PHTF1: variants seen among roughly 807,000 people sequenced by gnomAD.
PHTF1 encodes the protein putative homeodomain transcription factor 1, also known as protein PHTF1.
Under a neutral mutation model 102.4 loss-of-function variants are expected in PHTF1, and 88 were observed. That is an observed-to-expected ratio of 0.86 (90% CI 0.72 to 1.03). The LOEUF (loss-of-function observed/expected upper bound fraction) is 1.03, where lower values mean the gene tolerates loss of function less well. Ranked by LOEUF, PHTF1 falls within the 50% of genes least tolerant of loss-of-function variation. PHTF1 has a pLI of 0.00. For synonymous variants in PHTF1, 289 were observed against 305.2 expected, an observed-to-expected ratio of 0.95 and a Z score of 0.55; for missense variants, 814 against 909.5, an observed-to-expected ratio of 0.89 and a Z score of 1.35.
intron 8 of PHTF1, among the ~76,000 whole-genome samples, chr1:113,712,492 A>G (rs1651281099): frequency 1.3e-5 from 2 of 152,224 alleles, no homozygotes; most frequent in Non-Finnish European, 2.9e-5. Context: ...TTGAAAATAA[A>G]TGAGATAAGT....
At chr1:113,706,851 CTTTTTTT>C (rs11363653) in intron 11 of PHTF1, 129 bp from the exon 12 acceptor site, 202 of 217,448 alleles carry the variant, frequency 9.3e-4, no homozygotes, top group Middle Eastern at 1.6e-3. Context: ...TTCTTTCTTT[CTTTTTTT>C]TTTTTTTTTT....
chr1:113,700,267 C>T (rs371469128), intron 16 of PHTF1: 55 of 602,470 alleles, frequency 9.1e-5, no homozygotes, highest in African/African-American at 3.8e-4. Flanking sequence ...AAAACAGAAA[C>T]GAATGATAAA....
intron 7 of PHTF1, among the ~76,000 whole-genome samples, chr1:113,722,007 ATT>A (rs531406916): frequency 4.5e-4 from 68 of 152,048 alleles, no homozygotes; most frequent in Non-Finnish European, 8.7e-4. Context: ...AATCAATAGC[ATT>A]TCTATATGCC....
chr1:113,701,555 G>T (rs1230649), intron 15 of PHTF1, among the ~76,000 whole-genome samples: 116,925 of 151,790 alleles, frequency 0.77, 46,028 homozygotes, highest in African/African-American at 0.91. Context: ...ACAGAAACCT[G>T]GTGAAAAACA....
chr1:113,757,744 G>T lies in PHTF1; in HGVS notation c.57C>A (p.Tyr19Ter). ...TTGACTTTTCCCATATCTGCTGATC[G>T]TAGGCTCCAATCTGAAAGAGGGAGT... ...ISWYQKKIGAYDQQIWEKSIE... is the reference protein window; with the variant it reads ...ISWYQKKIGA The change falls in exon 3 of 19, where the codon TAC becomes TAA. Residue 19 changes from tyrosine to a stop codon, truncating the protein, a stop_gained. Transcript: ENST00000369604. LOFTEE classifies it high-confidence loss of function. 6.2e-7 allele frequency: 1 copy of T among 1,602,452 alleles called. No homozygotes were observed. The highest frequency in any genetic ancestry group is 8.6e-7 in the Non-Finnish European group (1 of 1,169,424).
At chr1:113,697,759 C>T (rs780046227) in intron 18 of PHTF1, 34 bp from the exon 19 acceptor site, 53 of 1,542,852 alleles carry the variant, frequency 3.4e-5, no homozygotes, top group Non-Finnish European at 5.4e-6. Flanking sequence ...TAAGTTAGTT[C>T]TAGGAAAACC....
chr1:113,739,251 A>C (rs1269116603), intron 3 of PHTF1, among the ~76,000 whole-genome samples: 1 of 152,188 alleles, frequency 6.6e-6, no homozygotes, highest in East Asian at 1.9e-4. Context: ...AGCTCCTTAA[A>C]GGAACTTGCC....
At chr1:113,726,335 T>C (rs1653821267) in intron 6 of PHTF1, 83 bp downstream of exon 6, 1 of 1,076,960 alleles carries the variant, frequency 9.3e-7, no homozygotes, top group Non-Finnish European at 1.4e-6. Flanking sequence ...AAGAGGGAGA[T>C]TTTAAATTAA....
chr1:113,721,134 T>TA (rs1652867397), intron 7 of PHTF1, among the ~76,000 whole-genome samples: 1 of 151,710 alleles, frequency 6.6e-6, no homozygotes, highest in Non-Finnish European at 1.5e-5. Context: ...ATAAAATAAA[T>TA]AAATAAAAAG....
intron 7 of PHTF1, among the ~76,000 whole-genome samples, chr1:113,717,838 C>T (rs529073408): frequency 6.6e-6 from 1 of 152,156 alleles, no homozygotes; most frequent in African/African-American, 2.4e-5. Context: ...ATTACCTCCC[C>T]CTGGGCCCCT....
Position 113,738,759 on chromosome 1 carries a change from G to A in PHTF1, c.143C>T (p.Pro48Leu). 4 of 1,603,358 alleles carry A rather than the reference G, an allele frequency of 2.5e-6. No homozygotes were observed. In the African/African-American group the frequency reaches 5.4e-5, roughly 21 times the overall value. The change falls in exon 4 of 19, where the codon CCA becomes CTA. Residue 48 changes from proline (P) to leucine (L), a missense_variant. Transcript: ENST00000369604. Reference sequence around the variant, plus strand: ...GATTAAGTCAACGTCAATCAAGTCTGGCTTTATGTGGCCCATCTTTTTCGG... The same window carrying A: ...GATTAAGTCAACGTCAATCAAGTCTAGCTTTATGTGGCCCATCTTTTTCGG... The part of the protein sequence containing the change: ...NKPKKMGHIK[P>L]DLIDVDLIRG...
At chr1:113,739,338 C>T (rs1336079610) in intron 3 of PHTF1, among the ~76,000 whole-genome samples, 5 of 152,146 alleles carry the variant, frequency 3.3e-5, no homozygotes, top group Non-Finnish European at 5.9e-5. Context: ...TTAAAATATT[C>T]GAACAGTGCC....
chr1:113,732,280 G>A (rs1487169549), intron 5 of PHTF1, among the ~76,000 whole-genome samples: 2 of 152,134 alleles, frequency 1.3e-5, no homozygotes, highest in African/African-American at 4.8e-5. Context: ...GGTGGATCAC[G>A]AGGTCAGGAG....
intron 3 of PHTF1, among the ~76,000 whole-genome samples, chr1:113,756,209 T>C (rs191998244): frequency 9.1e-4 from 138 of 152,308 alleles, no homozygotes; most frequent in Non-Finnish European, 1.6e-3. Flanking sequence ...TCAGTGATGT[T>C]TAGCAGCTCA....
At chr1:113,698,477 T>C in intron 17 of PHTF1, 90 bp from the exon 18 acceptor site, 1 of 1,138,640 alleles carries the variant, frequency 8.8e-7, no homozygotes, top group Non-Finnish European at 1.3e-6. Flanking sequence ...TGGGTATAGA[T>C]GAATGCTTAA....
chr1:113,728,817 GA>G (rs1457318877), intron 5 of PHTF1, among the ~76,000 whole-genome samples: 1 of 152,214 alleles, frequency 6.6e-6, no homozygotes, highest in African/African-American at 2.4e-5. Flanking sequence ...GCTGAGGCAG[GA>G]GAATCACTTG....
At chr1:113,704,201 T>C in intron 14 of PHTF1, 34 bp from the exon 15 acceptor site, 1 of 1,403,258 alleles carries the variant, frequency 7.1e-7, no homozygotes, top group Middle Eastern at 1.8e-4. Context: ...AATGTTTTAG[T>C]TACTGGCAGA....
Position 113,738,178 on chromosome 1 carries a change from C to G in PHTF1, c.263G>C (p.Ser88Thr). 6.2e-7 allele frequency: 1 copy of G among 1,612,904 alleles called. No individual in the cohort carries two copies. The highest frequency in any genetic ancestry group is 1.1e-5 in the South Asian group (1 of 91,054). Reference protein sequence around the residue: ...LVRVVFFPLFSNWWIQVTSLR... With the variant: ...LVRVVFFPLFTNWWIQVTSLR... ...AGAGGTAACCTGAATCCACCAATTG[C>G]TGAACAATGGAAAAAATACAACTCG... is the stretch of plus-strand genomic sequence containing the variant. The change falls in exon 5 of 19, where the codon AGC becomes ACC. Residue 88 changes from serine to threonine, a missense_variant. Coordinates refer to ENST00000369604, the MANE Select transcript of PHTF1 (RefSeq NM_001323043.2).
intron 3 of PHTF1, among the ~76,000 whole-genome samples, chr1:113,741,901 C>G (rs1031703724): frequency 6.6e-6 from 1 of 152,052 alleles, no homozygotes. Flanking sequence ...AAACTTATGA[C>G]TACTGATCTT....
Sources: gnomAD v4.1 joint callset for allele counts (sites outside exome capture counted in the v4.1 genomes callset) on GRCh38, gnomAD v4.1.1 for gene constraint, MANE v1.5 for transcripts, NCBI Gene and HGNC (gene_info 2026-07-23, HGNC 2026-07-21) for gene names.